Variants in DHCR7 observed in about 807,000 individuals in gnomAD.
DHCR7 encodes 7-DHC reductase.
In DHCR7, 40 loss-of-function variants were observed where a neutral mutation model predicts 43.3. The observed-to-expected ratio is 0.92, with a 90% CI of 0.72 to 1.20. The LOEUF (loss-of-function observed/expected upper bound fraction) is 1.20. Among genes scored for constraint, DHCR7 ranks in the 50% most tolerant of loss-of-function variants. DHCR7 has a pLI of 0.00. For synonymous variants in DHCR7, 298 were observed against 271.4 expected (o/e 1.10, Z -0.96); for missense variants, 608 against 644.6 (o/e 0.94, Z 0.62).
chr11:71,428,874 C>A (rs754946290), intron 2 of DHCR7: 2 of 456,252 alleles, frequency 4.4e-6, no homozygotes, highest in South Asian at 3.1e-5. Context: ...GTCAAGAATT[C>A]TTTCTCAAGA....
At position 71,444,072 on chromosome 11, in the gene DHCR7, C is replaced by A; in HGVS notation, c.242G>T (p.Arg81Leu). ...AGTCTTGGCCCAGATGTCCGAGAGC[C>A]GAGCATGTCCGGTGACGATGTCCAC... is the stretch of plus-strand genomic sequence containing the variant. ...PVVDIVTGHA[R>L]LSDIWAKTPP... The change falls in exon 4 of 9, where the codon CGG (arginine) becomes CTG (leucine). Residue 81 changes from arginine (R) to leucine (L), a missense_variant. Arg to Leu is a moderately radical substitution (Grantham distance 102, BLOSUM62 -2). Coordinates refer to ENST00000355527, the MANE Select transcript of DHCR7 (RefSeq NM_001360.3). 1.2e-6 allele frequency: 2 copies of A among 1,613,680 alleles called. No individual in the cohort carries two copies. The highest frequency in any genetic ancestry group is 1.1e-5 in the South Asian group (1 of 90,936).
intron 1 of DHCR7, 68 bp downstream of exon 1, chr11:71,448,222 C>T (rs923552633): frequency 6.5e-6 from 1 of 154,782 alleles, no homozygotes; most frequent in African/African-American, 2.4e-5. Context: ...CACCTGCTCA[C>T]CTGGGCAAGC....
rs781410864 is a variant in DHCR7, at chr11:71,437,950, G to T, written c.832-7C>A. The T allele has an allele frequency of 6.2e-7, 1 of 1,612,382 alleles. No homozygotes were observed. The highest frequency in any genetic ancestry group is 1.1e-5 in the South Asian group (1 of 91,086). On this transcript the variant is annotated splice_region_variant and splice_polypyrimidine_tract_variant and intron_variant, in intron 7 of 8. Transcript: ENST00000355527. Reference sequence around the variant, plus strand: ...AGTCAATCACGTAGATGGCCTGCAAGACAGAAGCAGCCGCTGACCACCCCC... The same window carrying T: ...AGTCAATCACGTAGATGGCCTGCAATACAGAAGCAGCCGCTGACCACCCCC...
chr11:71,433,624 C>T (rs1448029748), downstream of DHCR7, among the ~76,000 whole-genome samples: 4 of 152,144 alleles, frequency 2.6e-5, no homozygotes, highest in African/African-American at 9.7e-5. Flanking sequence ...GGGTAGGTCC[C>T]CTGAAGGTCA....
At chr11:71,431,377 G>A (rs145563108), downstream of DHCR7, among the ~76,000 whole-genome samples, 2,309 of 152,304 alleles carry the variant, frequency 0.015, 48 homozygotes, top group African/African-American at 0.053. Flanking sequence ...GGGCTTCACC[G>A]GGGATCCACC....
At chr11:71,428,733 G>A (rs569680005) in exon 3 of DHCR7, 37 of 433,794 alleles carry the variant, frequency 8.5e-5, no homozygotes, top group South Asian at 5.9e-4. Flanking sequence ...CCTGTCCAGG[G>A]GGAAACAGCC....
At chr11:71,443,033 T>C (rs1053219496) in intron 4 of DHCR7, among the ~76,000 whole-genome samples, 3 of 152,200 alleles carry the variant, frequency 2.0e-5, no homozygotes, top group Non-Finnish European at 4.4e-5. Flanking sequence ...GGGTATTGCA[T>C]ATAAAGGGAA....
rs200157761 is a variant in DHCR7 at position 71,437,818 on chromosome 11, C to T, written c.957G>A (p.Thr319=). 105 of 1,613,864 alleles carry T rather than the reference C, an allele frequency of 6.5e-5. No individual in the cohort carries two copies. Among genetic ancestry groups the T allele is most frequent in the Admixed American group, 2.0e-4 (12 of 60,030 alleles). Residue 319 remains threonine, a synonymous_variant, in exon 8 of 9, where the codon ACG becomes ACA. Coordinates refer to ENST00000355527, the MANE Select transcript of DHCR7 (RefSeq NM_001360.3). ...GCTCTGCCCACCTCCTCACCTGCAGCGTGTAAAGATAAGGCAGCCAGACAC... is the reference window on the plus strand; with the variant it reads ...GCTCTGCCCACCTCCTCACCTGCAGTGTGTAAAGATAAGGCAGCCAGACAC... ...GDCVWLPYLY[T]LQGLYLVYHP... is the part of the protein sequence containing the mutation.
intron 8 of DHCR7, among the ~76,000 whole-genome samples, chr11:71,436,647 A>G (rs932439239): frequency 7.0e-6 from 1 of 142,378 alleles, no homozygotes; most frequent in Admixed American, 7.2e-5. Flanking sequence ...TGTGTGACAG[A>G]GCGAGACTCC....
At chr11:71,444,443 G>A (rs1045872557) in intron 3 of DHCR7, among the ~76,000 whole-genome samples, 6 of 152,180 alleles carry the variant, frequency 3.9e-5, no homozygotes, top group African/African-American at 7.2e-5. Context: ...CCCATGGAAG[G>A]CCCAGAGCTC....
chr11:71,432,137 T>G (rs1195659198), downstream of DHCR7, among the ~76,000 whole-genome samples: 1 of 152,262 alleles, frequency 6.6e-6, no homozygotes, highest in South Asian at 2.1e-4. Context: ...AAAACTTTAT[T>G]ATCTACCATA....
intron 2 of DHCR7, among the ~76,000 whole-genome samples, chr11:71,429,092 G>A (rs1405723562): frequency 6.6e-6 from 1 of 152,170 alleles, no homozygotes; most frequent in Non-Finnish European, 1.5e-5. Context: ...TGAAATCCCT[G>A]GCCAGAAAGC....
At chr11:71,431,012 G>A (rs368476836), downstream of DHCR7, among the ~76,000 whole-genome samples, 8 of 152,162 alleles carry the variant, frequency 5.3e-5, no homozygotes, top group Non-Finnish European at 7.4e-5. Context: ...AAAATTAGCC[G>A]GGTATGGTGG....
At position 71,441,274 on chromosome 11, in the gene DHCR7, G is replaced by A. The variant is rs778664009; in HGVS notation, c.579C>T (p.Thr193=). The A allele has an allele frequency of 6.2e-7, 1 of 1,614,220 alleles. No homozygotes were observed. Among genetic ancestry groups the A allele is most frequent in the South Asian group, 1.1e-5 (1 of 91,080 alleles). The change falls in exon 6 of 9, where the codon ACC becomes ACT. Residue 193 remains threonine (T), a synonymous_variant. Transcript: ENST00000355527. Reference sequence around the variant, plus strand: ...AGAAGTAGCCCTTGACCATGGCGAAGGTGGAGACGGCATAGCCAAGGATGT... The same window carrying A: ...AGAAGTAGCCCTTGACCATGGCGAAAGTGGAGACGGCATAGCCAAGGATGT... ...CANILGYAVS[T]FAMVKGYFFP...
Position 71,435,530 on chromosome 11 carries a change from CG to C in DHCR7, c.1272del (p.Gly425AlafsTer16), listed in dbSNP as rs1555145580. ...ATGTAGAAGTAGGGCAGCAGGTGGC[CG>C]CCGCCACAGGCCAGGCAGTAGGCCA... The part of the protein sequence containing the change: ...GSLAYCLACG[G>X]GHLLPYFYII... On this transcript the variant is annotated frameshift_variant, in exon 9 of 9. Transcript: ENST00000355527. LOFTEE classifies it high-confidence loss of function. The C allele has an allele frequency of 6.2e-7, 1 of 1,611,020 alleles. No individual in the cohort carries two copies. Among genetic ancestry groups the C allele is most frequent in the Non-Finnish European group, 8.5e-7 (1 of 1,179,680 alleles).
chr11:71,435,690 C>T lies in DHCR7; in HGVS notation c.1113G>A (p.Trp371Ter), dbSNP rs1294449428. 6.2e-7 allele frequency: 1 copy of T among 1,613,222 alleles called. No homozygotes were observed. The highest frequency in any genetic ancestry group is 1.7e-5 in the Admixed American group (1 of 60,034). ...FRRTDGRCLI[W>*]GRKPKVIECS... ...ACTCGATGACCTTGGGCTTCCTGCC[C>T]CAGATGAGGCAGCGCCCATCCGTGC... Residue 371 changes from tryptophan (W) to a stop codon, truncating the protein, a stop_gained, in exon 9 of 9, where the codon TGG becomes TGA. Transcript: ENST00000355527. LOFTEE classifies it high-confidence loss of function.
chr11:71,445,104 G>A, intron 2 of DHCR7, 146 bp from the exon 3 acceptor site: 1 of 703,152 alleles, frequency 1.4e-6, no homozygotes, highest in Non-Finnish European at 2.5e-6. Flanking sequence ...GCAGATTCCA[G>A]GCAGGGAAGA....
chr11:71,431,500 C>A (rs558370762), downstream of DHCR7, among the ~76,000 whole-genome samples: 270 of 152,294 alleles, frequency 1.8e-3, 1 homozygote, highest in South Asian at 6.8e-3. Flanking sequence ...TCCCTGCAGG[C>A]AACGTGGTGA....
downstream of DHCR7, among the ~76,000 whole-genome samples, chr11:71,429,868 C>A (rs1024687469): frequency 2.6e-5 from 4 of 152,138 alleles, no homozygotes; most frequent in African/African-American, 9.7e-5. Flanking sequence ...CTGTGCAAAC[C>A]CCCACCCCTG....
Sources: allele counts gnomAD v4.1 joint callset (sites outside exome capture counted in the v4.1 genomes callset), GRCh38; gene constraint gnomAD v4.1.1; transcripts MANE v1.5; gene names NCBI Gene and HGNC (gene_info 2026-07-23, HGNC 2026-07-21).